Variants in CYSLTR2 observed in about 807,000 individuals in gnomAD.
CYSLTR2 encodes cysteinyl leukotriene receptor 2.
For synonymous variants in CYSLTR2, 179 were observed against 160.8 expected, an observed-to-expected ratio of 1.11 and a Z score of -0.86; for missense variants, 398 against 411.9, an observed-to-expected ratio of 0.97 and a Z score of 0.29.
At chr13:48,678,471 T>C (rs2138881570) in intron 1 of CYSLTR2, among the ~76,000 whole-genome samples, 1 of 152,274 alleles carries the variant, frequency 6.6e-6, no homozygotes, top group East Asian at 1.9e-4. Flanking sequence ...CCCTTAATTG[T>C]TGGTGTTCCC....
chr13:48,676,774 G>A (rs1401001219), intron 1 of CYSLTR2, among the ~76,000 whole-genome samples: 1 of 152,196 alleles, frequency 6.6e-6, no homozygotes, highest in Non-Finnish European at 1.5e-5. Flanking sequence ...AAAGCCATTT[G>A]AGCTCTCCTA....
rs189446045 is a variant in CYSLTR2, at chr13:48,671,927, C to T, written c.-266+17910C>T. Among the ~76,000 whole-genome samples, 759 of 148,378 alleles carry T rather than the reference C, an allele frequency of 5.1e-3. 3 individuals carry two copies. Among genetic ancestry groups the T allele is most frequent in the Middle Eastern group, 0.014 (4 of 292 alleles). The stretch of plus-strand genomic sequence containing the variant: ...GGTCCTGGATTTTTTTTTTTTGGTT[C>T]GTAGGCTATTAATTATACTGACTCA... On this transcript the variant is annotated intron_variant, in intron 1 of 4. Coordinates refer to ENST00000682523, the MANE Select transcript of CYSLTR2 (RefSeq NM_001308476.3).
chr13:48,659,716 T>C, intron 1 of CYSLTR2, among the ~76,000 whole-genome samples: 1 of 152,226 alleles, frequency 6.6e-6, no homozygotes, highest in East Asian at 1.9e-4. Context: ...TAACACTTGC[T>C]GTTCTTCTGT....
At chr13:48,680,663 A>C (rs1331488041) in intron 1 of CYSLTR2, among the ~76,000 whole-genome samples, 1 of 152,174 alleles carries the variant, frequency 6.6e-6, no homozygotes, top group African/African-American at 2.4e-5. Context: ...ATGCTGCCAA[A>C]TAATTTCCCA....
chr13:48,697,644 A>G (rs1954228261), intron 4 of CYSLTR2, among the ~76,000 whole-genome samples: 1 of 152,242 alleles, frequency 6.6e-6, no homozygotes, highest in Non-Finnish European at 1.5e-5. Flanking sequence ...CAGCAACGGA[A>G]CAAAGCTGGA....
chr13:48,658,035 CTTGTAAATTCACTGTTCCT>C (rs1381233880), intron 1 of CYSLTR2, among the ~76,000 whole-genome samples: 1 of 152,080 alleles, frequency 6.6e-6, no homozygotes, highest in African/African-American at 2.4e-5. Flanking sequence ...ATGTAAATCT[CTTGTAAATTCACTGTTCCT>C]TTGTAAATTC....
intron 1 of CYSLTR2, among the ~76,000 whole-genome samples, chr13:48,685,336 C>T (rs1346061890): frequency 6.6e-6 from 1 of 152,176 alleles, no homozygotes; most frequent in African/African-American, 2.4e-5. Flanking sequence ...CTAAACCAAT[C>T]ACGTGAAATT....
intron 1 of CYSLTR2, among the ~76,000 whole-genome samples, chr13:48,685,019 G>C (rs965587154): frequency 2.6e-5 from 4 of 152,176 alleles, no homozygotes; most frequent in Admixed American, 1.3e-4. Flanking sequence ...AGGAAGCACA[G>C]CCCTGCTGTA....
At chr13:48,697,988 A>C (rs1020080130) in intron 4 of CYSLTR2, among the ~76,000 whole-genome samples, 3 of 152,186 alleles carry the variant, frequency 2.0e-5, no homozygotes, top group Non-Finnish European at 4.4e-5. Context: ...AAAAGAAATG[A>C]AAAAAGCCTC....
chr13:48,695,391 TTCTCTCTCTCTC>T (rs144547434), intron 3 of CYSLTR2, among the ~76,000 whole-genome samples: 5 of 138,730 alleles, frequency 3.6e-5, no homozygotes, highest in African/African-American at 5.6e-5. Flanking sequence ...CTTTCTTTCT[TTCTCTCTCTCTC>T]TCTTTCTCTC....
At chr13:48,660,792 GAGTTGTC>G (rs1440987818) in intron 1 of CYSLTR2, among the ~76,000 whole-genome samples, 1 of 152,214 alleles carries the variant, frequency 6.6e-6, no homozygotes, top group Non-Finnish European at 1.5e-5. Context: ...AATAAACTCT[GAGTTGTC>G]AGCTTGGGTC....
chr13:48,690,732 C>G (rs59324318), intron 1 of CYSLTR2, among the ~76,000 whole-genome samples: 4 of 152,060 alleles, frequency 2.6e-5, no homozygotes, highest in Non-Finnish European at 4.4e-5. Flanking sequence ...TGTTGTGTCT[C>G]TGTCAGGTTT....
At chr13:48,706,163 T>C (rs972388445) in intron 4 of CYSLTR2, among the ~76,000 whole-genome samples, 1 of 151,776 alleles carries the variant, frequency 6.6e-6, no homozygotes, top group East Asian at 1.9e-4. Flanking sequence ...GGCCCGCTAA[T>C]TTTTGTATTT....
intron 1 of CYSLTR2, among the ~76,000 whole-genome samples, chr13:48,672,410 G>A (rs1341415198): frequency 6.6e-6 from 1 of 151,986 alleles, no homozygotes; most frequent in African/African-American, 2.4e-5. Flanking sequence ...TCTCCTGTGG[G>A]CATTTAGTGC....
Position 48,655,119 on chromosome 13 carries a change from A to G in CYSLTR2, c.-266+1102A>G, listed in dbSNP as rs1952970546. ...TAAGAATCTACTTGTGTTTCGATTT[A>G]CTAATGTTTTAAAGAGATGGATTTG... is the stretch of plus-strand genomic sequence containing the variant. On this transcript the variant is annotated intron_variant, in intron 1 of 4. Coordinates refer to ENST00000682523, the MANE Select transcript of CYSLTR2 (RefSeq NM_001308476.3). 3.9e-5 allele frequency among the ~76,000 whole-genome samples: 6 copies of G among 152,202 alleles called. No homozygotes were observed. In the South Asian group the frequency reaches 1.2e-3, roughly 32 times the overall value.
At chr13:48,660,671 T>C (rs562215116) in intron 1 of CYSLTR2, among the ~76,000 whole-genome samples, 18 of 152,308 alleles carry the variant, frequency 1.2e-4, no homozygotes, top group African/African-American at 4.3e-4. Flanking sequence ...AAGAACTTAA[T>C]TCACCTTGAC....
intron 1 of CYSLTR2, among the ~76,000 whole-genome samples, chr13:48,659,701 T>C (rs1349690504): frequency 6.6e-6 from 1 of 152,216 alleles, no homozygotes; most frequent in African/African-American, 2.4e-5. Flanking sequence ...ACAATGTTTC[T>C]ATGATAACAC....
intron 1 of CYSLTR2, among the ~76,000 whole-genome samples, chr13:48,679,674 C>T (rs766613664): frequency 1.6e-4 from 24 of 152,104 alleles, no homozygotes; most frequent in Non-Finnish European, 3.2e-4. Context: ...GCAGAGTGCC[C>T]GGCACAGAGT....
In CYSLTR2 at chr13:48,691,783, T is replaced by A. The variant is rs188101295; in HGVS notation, c.-176+482T>A. ...TGCTTAAACATGAGCATTCTTTTTT[T>A]AACTCAAAAAAGGGTTTAATCCTTG... On this transcript the variant is annotated intron_variant, in intron 2 of 4. Transcript: ENST00000682523. Among the ~76,000 whole-genome samples, 8 of 152,124 alleles carry A rather than the reference T, an allele frequency of 5.3e-5. No individual in the cohort carries two copies. The East Asian group carries it at 1.5e-3, about 29-fold the overall frequency.
Sources: allele counts gnomAD v4.1 joint callset (sites outside exome capture counted in the v4.1 genomes callset), GRCh38; gene constraint gnomAD v4.1.1; transcripts MANE v1.5; gene names NCBI Gene and HGNC (gene_info 2026-07-23, HGNC 2026-07-21).